STXBP5: variants seen among roughly 807,000 people sequenced by gnomAD.
STXBP5 encodes the protein syntaxin binding protein 5, also known as syntaxin-binding protein 5.
Under a neutral mutation model 152.4 loss-of-function variants are expected in STXBP5, and 50 were observed. The observed-to-expected ratio is 0.33, with a 90% CI of 0.26 to 0.42. The LOEUF is 0.42. Among genes scored for constraint, STXBP5 ranks in the 10% least tolerant of loss-of-function variants. The pLI is 1.00. For synonymous variants in STXBP5, 492 were observed against 494.7 expected, an observed-to-expected ratio of 0.99 and a Z score of 0.07; for missense variants, 1,167 against 1,388.6, an observed-to-expected ratio of 0.84 and a Z score of 2.54.
chr6:147,228,261 T>TA (rs1480384942), intron 2 of STXBP5, among the ~76,000 whole-genome samples: 1 of 152,162 alleles, frequency 6.6e-6, no homozygotes, highest in Non-Finnish European at 1.5e-5. Context: ...CATGAATATC[T>TA]AAAAGTCTTT....
At chr6:147,255,505 T>TTGTTGC (rs961101953) in intron 4 of STXBP5, among the ~76,000 whole-genome samples, 11 of 49,828 alleles carry the variant, frequency 2.2e-4, no homozygotes, top group African/African-American at 8.2e-4. Flanking sequence ...TTCCTTTTTG[T>TTGTTGC]TGTTGTTGTT....
At chr6:147,353,294 G>C (rs761945445) in intron 21 of STXBP5, 29 bp from the exon 22 acceptor site, 2 of 1,496,506 alleles carry the variant, frequency 1.3e-6, no homozygotes, top group South Asian at 1.3e-5. Context: ...ATATTCTTCA[G>C]AATTTTAAAA....
chr6:147,272,805 A>G (rs1780240885), intron 7 of STXBP5, among the ~76,000 whole-genome samples: 1 of 152,144 alleles, frequency 6.6e-6, no homozygotes, highest in African/African-American at 2.4e-5. Context: ...GGTGATTCAG[A>G]TGGGTAGGAG....
chr6:147,291,245 TA>T, intron 9 of STXBP5, 73 bp downstream of exon 9: 3 of 1,286,704 alleles, frequency 2.3e-6, no homozygotes, highest in Non-Finnish European at 3.3e-6. Flanking sequence ...ATTTTATCAT[TA>T]ATTTTGAAGG....
chr6:147,213,681 A>G (rs894879478), intron 2 of STXBP5, among the ~76,000 whole-genome samples: 1 of 151,778 alleles, frequency 6.6e-6, no homozygotes, highest in Non-Finnish European at 1.5e-5. Flanking sequence ...CAGAATGTGT[A>G]TTTGTTTTCG....
intron 19 of STXBP5, among the ~76,000 whole-genome samples, chr6:147,337,741 A>G (rs1582964491): frequency 6.6e-6 from 1 of 152,102 alleles, no homozygotes; most frequent in African/African-American, 2.4e-5. Context: ...GAATTACATT[A>G]AAAACAACTA....
chr6:147,233,749 T>C (rs1778129553), intron 2 of STXBP5, among the ~76,000 whole-genome samples: 1 of 151,504 alleles, frequency 6.6e-6, no homozygotes, highest in African/African-American at 2.4e-5. Context: ...ACGGTGTGAT[T>C]TGCACATTGC....
At chr6:147,381,397 G>A (rs1786077628) in intron 26 of STXBP5, among the ~76,000 whole-genome samples, 1 of 152,126 alleles carries the variant, frequency 6.6e-6, no homozygotes. Flanking sequence ...TGTTGGCAAG[G>A]ATGTGGAGAT....
At position 147,311,306 on chromosome 6, in the gene STXBP5, G is replaced by T. The variant is rs183689322; in HGVS notation, c.1073-149G>T. 1.5e-5 allele frequency: 10 copies of T among 679,676 alleles called. No individual in the cohort carries two copies. The East Asian group carries it at 2.6e-4, about 18-fold the overall frequency. The allele number at this position is 679,676 out of a possible 1,614,324, so 42.1% of individuals were successfully genotyped here. Reference sequence around the variant, plus strand: ...ATAGATGATCTCATAAAACTTACTAGCCTTAAATAACATGCATGAAGTATC... The same window carrying T: ...ATAGATGATCTCATAAAACTTACTATCCTTAAATAACATGCATGAAGTATC... On this transcript the variant is annotated intron_variant, in intron 10 of 27. Coordinates refer to ENST00000321680, the MANE Select transcript of STXBP5 (RefSeq NM_001127715.4).
At chr6:147,232,487 G>A (rs1390806303) in intron 2 of STXBP5, among the ~76,000 whole-genome samples, 2 of 151,668 alleles carry the variant, frequency 1.3e-5, no homozygotes, top group African/African-American at 4.8e-5. Context: ...AATAACTTAC[G>A]AGTTTTTCTT....
At chr6:147,328,694 C>G (rs765248592) in intron 18 of STXBP5, 2 of 469,866 alleles carry the variant, frequency 4.3e-6, no homozygotes, top group South Asian at 1.6e-5. Context: ...CATTGCTTCA[C>G]TAAGGTGTGC....
At position 147,252,487 on chromosome 6, in the gene STXBP5, A is replaced by G. The variant is rs185401743; in HGVS notation, c.432-8128A>G. On this transcript the variant is annotated intron_variant, in intron 4 of 27. Coordinates refer to ENST00000321680, the MANE Select transcript of STXBP5 (RefSeq NM_001127715.4). Reference sequence around the variant, plus strand: ...GCAGAAGAAAGGATATCAGGGATTGAAGATCAACTTAAATAAAGCATGACG... The same window carrying G: ...GCAGAAGAAAGGATATCAGGGATTGGAGATCAACTTAAATAAAGCATGACG... Among the ~76,000 whole-genome samples the G allele has an allele frequency of 7.2e-5, 11 of 152,132 alleles. No homozygotes were observed. In the East Asian group the frequency reaches 7.8e-4, roughly 11 times the overall value.
At chr6:147,218,518 T>C (rs916098989) in intron 2 of STXBP5, among the ~76,000 whole-genome samples, 4 of 152,146 alleles carry the variant, frequency 2.6e-5, no homozygotes, top group Non-Finnish European at 5.9e-5. Context: ...TCTTGCTCTG[T>C]TTCCCAGGCT....
Position 147,206,212 on chromosome 6 carries a change from C to T in STXBP5, c.248+144C>T, listed in dbSNP as rs1776549334. 2.1e-5 allele frequency: 14 copies of T among 657,134 alleles called. No individual in the cohort carries two copies. In the South Asian group the frequency reaches 3.2e-4, roughly 15 times the overall value. 40.7% of individuals were successfully genotyped at this position (657,134 alleles called of 1,614,324 possible). On this transcript the variant is annotated intron_variant, in intron 2 of 27. Coordinates refer to ENST00000321680, the MANE Select transcript of STXBP5 (RefSeq NM_001127715.4). ...ATGAGAAATCATGTGTTGGCTTTTC[C>T]CTTGATTATAATTCAGCTTATATAC...
chr6:147,384,969 G>A lies in STXBP5; in HGVS notation c.*214G>A, dbSNP rs1183135599. On this transcript the variant is annotated 3_prime_UTR_variant, in exon 28 of 28. Transcript: ENST00000321680. ...GGAGTATATGGTGTGTGCCAGTTAT[G>A]AGTTGACCATTTGGGAATTAAACAG... 1 of 548,378 alleles carries A rather than the reference G, an allele frequency of 1.8e-6. No individual in the cohort carries two copies. Among genetic ancestry groups the A allele is most frequent in the Admixed American group, 3.6e-5 (1 of 27,714 alleles). 34.0% of individuals were successfully genotyped at this position (548,378 alleles called of 1,614,324 possible). A position where few individuals can be genotyped will look rare whatever the true frequency, so the allele number is the denominator to read the frequency against.
At chr6:147,260,518 C>G in intron 4 of STXBP5, 97 bp from the exon 5 acceptor site, 2 of 1,360,232 alleles carry the variant, frequency 1.5e-6, no homozygotes, top group African/African-American at 1.4e-5. Flanking sequence ...ACCAGTTTTG[C>G]TGTTCCTGAA....
chr6:147,314,265 A>T lies in STXBP5; in HGVS notation c.1295A>T (p.Glu432Val). ...RQKRQGYSKK[E>V]WPINGGNWGL... The stretch of plus-strand genomic sequence containing the variant: ...TTATACAGTCATCTTTTTTTATAGG[A>T]ATGGCCCATCAACGGAGGTAATTGG... The change falls in exon 13 of 28, where the codon GAA becomes GTA. Residue 432 changes from glutamate (E) to valine (V), a missense_variant and splice_region_variant. Coordinates refer to ENST00000321680, the MANE Select transcript of STXBP5 (RefSeq NM_001127715.4). 1 of 1,609,134 alleles carries T rather than the reference A, an allele frequency of 6.2e-7. No individual in the cohort carries two copies. Among genetic ancestry groups the T allele is most frequent in the Middle Eastern group, 1.7e-4 (1 of 6,050 alleles).
intron 23 of STXBP5, 102 bp downstream of exon 23, chr6:147,359,425 T>TAA: frequency 7.1e-7 from 1 of 1,416,830 alleles, no homozygotes; most frequent in Non-Finnish European, 9.4e-7. Context: ...TTCCAAAATG[T>TAA]AAAGTAAATG....
Position 147,204,522 on chromosome 6 carries a change from C to A in STXBP5, c.-11C>A, listed in dbSNP as rs753321561. The stretch of plus-strand genomic sequence containing the variant: ...TCCCCTCCCGGGCTGCGGGGGAGCC[C>A]CTCCGAGACCATGAGGAAATTCAAC... On this transcript the variant is annotated 5_prime_UTR_variant, in exon 1 of 28. Coordinates refer to ENST00000321680, the MANE Select transcript of STXBP5 (RefSeq NM_001127715.4). The surrounding 1 kb of genome is among the most constrained non-coding windows in gnomAD (Gnocchi z 4.3). 17 of 1,610,658 alleles carry A rather than the reference C, an allele frequency of 1.1e-5. No individual in the cohort carries two copies. Among genetic ancestry groups the A allele is most frequent in the South Asian group, 2.2e-5 (2 of 90,944 alleles).
Sources: gnomAD v4.1 joint callset for allele counts (sites outside exome capture counted in the v4.1 genomes callset) on GRCh38, gnomAD v4.1.1 for gene constraint, Gnocchi (gnomAD v3.1) non-coding constraint, MANE v1.5 for transcripts, NCBI Gene and HGNC (gene_info 2026-07-23, HGNC 2026-07-21) for gene names.